LMX1B: variants seen among roughly 807,000 people sequenced by gnomAD.
LMX1B encodes the protein LIM homeobox transcription factor 1-beta.
Under a neutral mutation model 51.4 loss-of-function variants are expected in LMX1B, and 12 were observed. The observed-to-expected ratio is 0.23, with a 90% CI of 0.15 to 0.38. LMX1B has a LOEUF of 0.38. Ranked by LOEUF, LMX1B falls within the 10% of genes least tolerant of loss-of-function variation. The pLI, the probability that LMX1B is intolerant of heterozygous loss-of-function variation, is 1.00. For missense variants in LMX1B, 445 were observed against 571.1 expected (o/e 0.78, Z 2.25); for synonymous variants, 237 against 235.4 (o/e 1.01, Z -0.06).
In LMX1B at chr9:126,696,277, C is replaced by A. The variant is rs1564171048; in HGVS notation, c.1052-17C>A. The A allele has an allele frequency of 6.2e-7, 1 of 1,613,722 alleles. No homozygotes were observed. Among genetic ancestry groups the A allele is most frequent in the Admixed American group, 1.7e-5 (1 of 60,024 alleles). The stretch of plus-strand genomic sequence containing the variant: ...CCCAGCCTGTACCCCGGTCCTGACA[C>A]CCCTTCTGCCCCCCAGGGAACGACT... On this transcript the variant is annotated splice_polypyrimidine_tract_variant and intron_variant, in intron 7 of 7. Coordinates refer to ENST00000373474, the MANE Select transcript of LMX1B (RefSeq NM_001174147.2).
intron 2 of LMX1B, among the ~76,000 whole-genome samples, chr9:126,668,663 G>A (rs1387713372): frequency 6.6e-6 from 1 of 151,860 alleles, no homozygotes; most frequent in Non-Finnish European, 1.5e-5. Flanking sequence ...CATGTTGGCC[G>A]GGCTGTTCTC....
chr9:126,648,349 G>A (rs1485051184), intron 2 of LMX1B, among the ~76,000 whole-genome samples: 1 of 152,142 alleles, frequency 6.6e-6, no homozygotes, highest in Non-Finnish European at 1.5e-5. Context: ...CCAGCCCTGC[G>A]GGTCTGCCCA....
At position 126,615,333 on chromosome 9, in the gene LMX1B, G is replaced by C; in HGVS notation, c.140-50G>C. On this transcript the variant is annotated intron_variant, in intron 1 of 7. Transcript: ENST00000373474. The surrounding 1 kb of genome is among the most constrained non-coding windows in gnomAD (Gnocchi z 6.0). ...GGGCCCGGTGCGACCGGGACGCCGGGGCTGGGCCGGGCGGCGCTGACGGCC... is the reference window on the plus strand; with the variant it reads ...GGGCCCGGTGCGACCGGGACGCCGGCGCTGGGCCGGGCGGCGCTGACGGCC... 3 of 1,435,040 alleles carry C rather than the reference G, an allele frequency of 2.1e-6. No homozygotes were observed. In the South Asian group the frequency reaches 4.1e-5, roughly 20 times the overall value. The allele number at this position is 1,435,040 out of a possible 1,614,324, so 88.9% of individuals were successfully genotyped here. A position where few individuals can be genotyped will look rare whatever the true frequency, so the allele number is the denominator to read the frequency against.
chr9:126,658,100 C>G lies in LMX1B; in HGVS notation c.327-32736C>G, dbSNP rs1235160500. 6.6e-6 allele frequency among the ~76,000 whole-genome samples: 1 copy of G among 151,972 alleles called. No homozygotes were observed. Among genetic ancestry groups the G allele is most frequent in the African/African-American group, 2.4e-5 (1 of 41,352 alleles). On this transcript the variant is annotated intron_variant, in intron 2 of 7. Coordinates refer to ENST00000373474, the MANE Select transcript of LMX1B (RefSeq NM_001174147.2). The surrounding 1 kb of genome is among the most constrained non-coding windows in gnomAD (Gnocchi z 4.0). ...GGCCAAGGGACCTGAGTGGGAACAA[C>G]CAAGCCGGAGACTCCTGGGTATGAA...
chr9:126,635,719 G>C (rs1293087367), intron 2 of LMX1B, among the ~76,000 whole-genome samples: 2 of 152,230 alleles, frequency 1.3e-5, no homozygotes, highest in East Asian at 1.9e-4. Flanking sequence ...AGAAACTGGG[G>C]CTCTGAGAGG....
chr9:126,695,244 C>T lies in LMX1B; in HGVS notation c.887-595C>T, dbSNP rs1404625115. ...ACCCTCCAGCGGCTCCCAGCGGCCT[C>T]GGGGACCCCCACCCAGCTCGGCACC... On this transcript the variant is annotated intron_variant, in intron 6 of 7. Coordinates refer to ENST00000373474, the MANE Select transcript of LMX1B (RefSeq NM_001174147.2). The surrounding 1 kb of genome is among the most constrained non-coding windows in gnomAD (Gnocchi z 5.2). Among the ~76,000 whole-genome samples the T allele has an allele frequency of 1.3e-5, 2 of 152,282 alleles. No homozygotes were observed. The highest frequency in any genetic ancestry group is 1.9e-4 in the East Asian group (1 of 5,172).
chr9:126,638,139 T>C (rs1835747091), intron 2 of LMX1B, among the ~76,000 whole-genome samples: 1 of 151,898 alleles, frequency 6.6e-6, no homozygotes, highest in African/African-American at 2.4e-5. Flanking sequence ...AGGGGGCAGG[T>C]TCCCGAAGCC....
chr9:126,651,073 G>A (rs188142196), intron 2 of LMX1B, among the ~76,000 whole-genome samples: 73 of 152,198 alleles, frequency 4.8e-4, no homozygotes, highest in African/African-American at 1.7e-3. Context: ...CATGGGGACA[G>A]GTCCTGGATG....
chr9:126,676,414 G>A (rs1836565142), intron 2 of LMX1B, among the ~76,000 whole-genome samples: 1 of 152,194 alleles, frequency 6.6e-6, no homozygotes, highest in Non-Finnish European at 1.5e-5. Flanking sequence ...CACCGCACCT[G>A]GCACACAATA....
intron 2 of LMX1B, among the ~76,000 whole-genome samples, chr9:126,640,378 C>T (rs184623162): frequency 1.3e-5 from 2 of 152,182 alleles, no homozygotes; most frequent in African/African-American, 2.4e-5. Flanking sequence ...ACTGTCCTAC[C>T]CAGTCTGGGC....
intron 2 of LMX1B, among the ~76,000 whole-genome samples, chr9:126,654,097 C>G (rs1693107458): frequency 6.6e-6 from 1 of 152,206 alleles, no homozygotes; most frequent in South Asian, 2.1e-4. Flanking sequence ...TGGGGCCCTA[C>G]TCATCCCACC....
At chr9:126,679,951 G>T (rs1272349627) in intron 2 of LMX1B, among the ~76,000 whole-genome samples, 2 of 152,182 alleles carry the variant, frequency 1.3e-5, no homozygotes, top group Non-Finnish European at 1.5e-5. Flanking sequence ...CCTCCACCCG[G>T]CTAAGTTTGA....
chr9:126,684,659 G>C (rs2118974750), intron 2 of LMX1B, among the ~76,000 whole-genome samples: 1 of 152,314 alleles, frequency 6.6e-6, no homozygotes, highest in Middle Eastern at 3.4e-3. Flanking sequence ...ACACAGGACA[G>C]AGGGTCTGGT....
At chr9:126,687,087 C>T (rs1327481602) in intron 2 of LMX1B, among the ~76,000 whole-genome samples, 4 of 152,054 alleles carry the variant, frequency 2.6e-5, no homozygotes, top group African/African-American at 9.7e-5. Context: ...GCAACAAAGG[C>T]GTTTTGGGCA....
chr9:126,682,915 A>AAG, intron 2 of LMX1B, among the ~76,000 whole-genome samples: 1 of 147,418 alleles, frequency 6.8e-6, no homozygotes, highest in Non-Finnish European at 1.5e-5. Flanking sequence ...AAAAAAAAAA[A>AAG]GAAAGAAAGA....
At chr9:126,631,013 C>A (rs1192106031) in intron 2 of LMX1B, among the ~76,000 whole-genome samples, 1 of 152,238 alleles carries the variant, frequency 6.6e-6, no homozygotes, top group East Asian at 1.9e-4. Context: ...CTCCCACGTG[C>A]CCCCGCCTGC....
rs1029053889 is a variant in LMX1B at position 126,696,551 on chromosome 9, A to G, written c.*100A>G. ...CCCCGCCCTGCTCTCCGCACAGACT[A>G]CAGACAGCCATACGGTGCCCTCCCC... On this transcript the variant is annotated 3_prime_UTR_variant, in exon 8 of 8. Coordinates refer to ENST00000373474, the MANE Select transcript of LMX1B (RefSeq NM_001174147.2). 9 of 1,421,136 alleles carry G rather than the reference A, an allele frequency of 6.3e-6. No individual in the cohort carries two copies. Among genetic ancestry groups the G allele is most frequent in the Non-Finnish European group, 7.9e-6 (8 of 1,014,740 alleles). 88.0% of individuals were successfully genotyped at this position (1,421,136 alleles called of 1,614,324 possible).
intron 2 of LMX1B, among the ~76,000 whole-genome samples, chr9:126,659,701 C>T (rs949641323): frequency 2.9e-4 from 42 of 142,758 alleles, no homozygotes; most frequent in Non-Finnish European, 5.2e-4. Context: ...ATTATTCTAT[C>T]TGGGGGTGCC....
At chr9:126,669,916 T>C (rs1046985427) in intron 2 of LMX1B, among the ~76,000 whole-genome samples, 1 of 151,942 alleles carries the variant, frequency 6.6e-6, no homozygotes, top group South Asian at 2.1e-4. Flanking sequence ...ACAGTGGCCA[T>C]GGTTAGAAGT....
Sources: gnomAD v4.1 joint callset for allele counts (sites outside exome capture counted in the v4.1 genomes callset) on GRCh38, gnomAD v4.1.1 for gene constraint, Gnocchi (gnomAD v3.1) non-coding constraint, MANE v1.5 for transcripts, NCBI Gene and HGNC (gene_info 2026-07-23, HGNC 2026-07-21) for gene names.